Variants in ABCC2 observed in about 807,000 individuals in gnomAD.
The protein encoded by ABCC2 is ATP binding cassette subfamily C member 2.
A neutral mutation model predicts 173.4 loss-of-function variants in ABCC2; 157 were observed. The ratio of observed to expected loss-of-function variants is 0.91; its 90% CI spans 0.80 to 1.03. ABCC2 has a LOEUF of 1.03. Ranked by LOEUF, ABCC2 falls within the 50% of genes least tolerant of loss-of-function variation. ABCC2 has a pLI of 0.00. For synonymous variants in ABCC2, 657 were observed against 693.5 expected, an observed-to-expected ratio of 0.95 and a Z score of 0.83; for missense variants, 1,822 against 1,852.3, an observed-to-expected ratio of 0.98 and a Z score of 0.30.
intron 21 of ABCC2, 134 bp from the exon 22 acceptor site, chr10:99,831,477 C>A: frequency 1.3e-6 from 1 of 792,566 alleles, no homozygotes; most frequent in Non-Finnish European, 2.2e-6. Context: ...ATGGTGACCA[C>A]AGACTACCAA....
At chr10:99,814,683 ACG>A (rs1491450937) in intron 16 of ABCC2, among the ~76,000 whole-genome samples, 4 of 136,094 alleles carry the variant, frequency 2.9e-5, no homozygotes, top group African/African-American at 8.0e-5. Context: ...ATATACACAC[ACG>A]TGTATATACA....
chr10:99,820,163 G>T lies in ABCC2; in HGVS notation c.2620+894G>T, dbSNP rs188129937. Among the ~76,000 whole-genome samples, 864 of 152,184 alleles carry T rather than the reference G, an allele frequency of 5.7e-3. 15 individuals are homozygous for T. The highest frequency in any genetic ancestry group is 0.02 in the African/African-American group (822 of 41,526). On this transcript the variant is annotated intron_variant, in intron 19 of 31. Coordinates refer to ENST00000647814, the MANE Select transcript of ABCC2 (RefSeq NM_000392.5). ...TCCCAGCACTTTGGGAGGCTGAGGCGGGTGGATCACCTGAGGTCAGGAGTT... is the reference window on the plus strand; with the variant it reads ...TCCCAGCACTTTGGGAGGCTGAGGCTGGTGGATCACCTGAGGTCAGGAGTT...
At chr10:99,830,522 G>T (rs2038720509) in intron 20 of ABCC2, 89 bp downstream of exon 20, 2 of 1,593,716 alleles carry the variant, frequency 1.3e-6, no homozygotes, top group South Asian at 2.2e-5. Flanking sequence ...TCCTGTGAGG[G>T]TTAACACCAT....
Position 99,792,360 on chromosome 10 carries a change from G to C in ABCC2, c.333+1G>C. On this transcript the variant is annotated splice_donor_variant, in intron 3 of 31. Transcript: ENST00000647814. LOFTEE classifies it high-confidence loss of function. ...TCCAAGCCTCTACCTAGGCACATGG[G>C]TAAGACCTATACCACTTCTGCCCTG... 1 of 1,613,916 alleles carries C rather than the reference G, an allele frequency of 6.2e-7. No individual in the cohort carries two copies. The highest frequency in any genetic ancestry group is 1.3e-5 in the African/African-American group (1 of 75,040).
chr10:99,850,525 C>A, intron 30 of ABCC2, 77 bp from the exon 31 acceptor site: 1 of 1,440,872 alleles, frequency 6.9e-7, no homozygotes, highest in Non-Finnish European at 9.6e-7. Flanking sequence ...TGATCTGGAA[C>A]ATGAAAATGG....
chr10:99,791,049 A>C (rs1216620632), intron 2 of ABCC2, among the ~76,000 whole-genome samples: 3 of 152,190 alleles, frequency 2.0e-5, no homozygotes, highest in Admixed American at 6.5e-5. Flanking sequence ...GTGGGCCTTT[A>C]AAACAGTGTA....
At chr10:99,825,909 C>T (rs1363927129) in intron 19 of ABCC2, among the ~76,000 whole-genome samples, 1 of 152,180 alleles carries the variant, frequency 6.6e-6, no homozygotes, top group Non-Finnish European at 1.5e-5. Flanking sequence ...GGTTTGTTGT[C>T]CCTGAAAACC....
At chr10:99,835,901 C>T (rs2038812832) in intron 24 of ABCC2, among the ~76,000 whole-genome samples, 190 bp from the exon 25 acceptor site, 1 of 152,164 alleles carries the variant, frequency 6.6e-6, no homozygotes, top group Non-Finnish European at 1.5e-5. Flanking sequence ...CAACCCCAGT[C>T]TTCTCATTGG....
rs374118340 is a variant in ABCC2 at position 99,827,198 on chromosome 10, C to A, written c.2621-3109C>A. Reference sequence around the variant, plus strand: ...GCGGCCAGTATTGATAAGCTACTGGCGGTTGGGTCTTATTTTCTTTAACCT... The same window carrying A: ...GCGGCCAGTATTGATAAGCTACTGGAGGTTGGGTCTTATTTTCTTTAACCT... On this transcript the variant is annotated intron_variant, in intron 19 of 31. Coordinates refer to ENST00000647814, the MANE Select transcript of ABCC2 (RefSeq NM_000392.5). 2.6e-5 allele frequency among the ~76,000 whole-genome samples: 3 copies of A among 116,332 alleles called. No individual in the cohort carries two copies. In the East Asian group the frequency reaches 7.8e-4, roughly 30 times the overall value. 76.3% of individuals were successfully genotyped at this position (116,332 alleles called of 152,430 possible).
At chr10:99,810,328 T>C in intron 14 of ABCC2, 110 bp downstream of exon 14, 1 of 847,028 alleles carries the variant, frequency 1.2e-6, no homozygotes. Flanking sequence ...TGGAGATTTG[T>C]CTTGAGCCTA....
At chr10:99,798,548 G>A (rs1437801863) in intron 7 of ABCC2, among the ~76,000 whole-genome samples, 1 of 152,134 alleles carries the variant, frequency 6.6e-6, no homozygotes, top group African/African-American at 2.4e-5. Context: ...ACCTGGAGGG[G>A]AAAATCCTCT....
At chr10:99,817,158 C>T (rs1300497206) in intron 16 of ABCC2, 150 bp from the exon 17 acceptor site, 30 of 733,420 alleles carry the variant, frequency 4.1e-5, no homozygotes, top group Middle Eastern at 3.4e-4. Flanking sequence ...ACTACAAGCA[C>T]GTGAATACAT....
intron 9 of ABCC2, 107 bp from the exon 10 acceptor site, chr10:99,803,912 A>C (rs570951237): frequency 6.9e-7 from 1 of 1,444,914 alleles, no homozygotes; most frequent in African/African-American, 1.4e-5. Flanking sequence ...AGCTGTGTCC[A>C]TATGGAGCAC....
chr10:99,814,364 C>CGTGT (rs1564684656), intron 16 of ABCC2, among the ~76,000 whole-genome samples: 2 of 94,994 alleles, frequency 2.1e-5, no homozygotes, highest in African/African-American at 7.4e-5. Flanking sequence ...TGTATACACA[C>CGTGT]ATGTATATAT....
At chr10:99,847,643 G>A (rs557758462) in intron 30 of ABCC2, among the ~76,000 whole-genome samples, 1 of 151,164 alleles carries the variant, frequency 6.6e-6, no homozygotes, top group African/African-American at 2.4e-5. Flanking sequence ...GTTATTGGCC[G>A]GGTGCAGTGG....
chr10:99,836,138 CA>C lies in ABCC2; in HGVS notation c.3463del (p.Thr1155ProfsTer29), dbSNP rs919078015. 3.7e-6 allele frequency: 6 copies of C among 1,614,040 alleles called. No homozygotes were observed. In the Admixed American group the frequency reaches 8.3e-5, roughly 22 times the overall value. ...GCCAGCTGAGGCGTCTGGACTCTGT[CA>C]CCAGGTCCCCAATCTACTCTCACTT... ...SRQLRRLDSV[T>X]RSPIYSHFSE... On this transcript the variant is annotated frameshift_variant, in exon 25 of 32. Transcript: ENST00000647814. LOFTEE classifies it high-confidence loss of function.
In ABCC2 at chr10:99,808,091, G is replaced by A. The variant is rs1442935585; in HGVS notation, c.1677G>A (p.Val559=). 1.2e-6 allele frequency: 2 copies of A among 1,613,878 alleles called. No homozygotes were observed. Among genetic ancestry groups the A allele is most frequent in the Non-Finnish European group, 1.7e-6 (2 of 1,179,956 alleles). Residue 559 remains valine (V), a synonymous_variant, in exon 13 of 32, where the codon GTG becomes GTA. Transcript: ENST00000647814. The stretch of plus-strand genomic sequence containing the variant: ...GACCTTGCCCTTTCCAGGTATCTGT[G>A]GTCACATTTTCTGTTTATGTCCTGG... ...VFQLTPVLVS[V]VTFSVYVLVD... is the part of the protein sequence containing the mutation.
intron 16 of ABCC2, among the ~76,000 whole-genome samples, chr10:99,816,261 C>T (rs370067768): frequency 1.3e-5 from 2 of 151,354 alleles, no homozygotes; most frequent in Admixed American, 6.6e-5. Flanking sequence ...CCACCGCGCC[C>T]GGCCTCCATC....
chr10:99,843,093 C>T (rs2038970506), intron 26 of ABCC2, among the ~76,000 whole-genome samples: 1 of 152,028 alleles, frequency 6.6e-6, no homozygotes, highest in African/African-American at 2.4e-5. Context: ...CAATGTGTTC[C>T]TGCCAGGGCA....
Sources: gnomAD v4.1 joint callset for allele counts (sites outside exome capture counted in the v4.1 genomes callset) on GRCh38, gnomAD v4.1.1 for gene constraint, MANE v1.5 for transcripts, NCBI Gene and HGNC (gene_info 2026-07-23, HGNC 2026-07-21) for gene names.